Variants in ZCCHC7 observed in about 807,000 individuals in gnomAD.
The protein encoded by ZCCHC7 is zinc finger CCHC-type containing 7.
Under a neutral mutation model 52.0 loss-of-function variants are expected in ZCCHC7, and 35 were observed. That is an observed-to-expected ratio of 0.67 (90% confidence interval 0.51 to 0.89). The LOEUF is 0.89. ZCCHC7 is among the 40% of genes least tolerant of loss of function. ZCCHC7 has a pLI of 0.00. For missense variants in ZCCHC7, 574 were observed against 649.1 expected, an observed-to-expected ratio of 0.88 and a Z score of 1.26; for synonymous variants, 217 against 221.5, an observed-to-expected ratio of 0.98 and a Z score of 0.18.
At chr9:37,182,941 G>C (rs1309025262) in intron 2 of ZCCHC7, among the ~76,000 whole-genome samples, 1 of 152,184 alleles carries the variant, frequency 6.6e-6, no homozygotes, top group African/African-American at 2.4e-5. Context: ...TGCTATGATT[G>C]TACATCTGAG....
intron 2 of ZCCHC7, among the ~76,000 whole-genome samples, chr9:37,180,304 C>T (rs1484987243): frequency 6.6e-6 from 1 of 151,888 alleles, no homozygotes. Flanking sequence ...TTTTTAAACA[C>T]AGAATTCTCC....
At chr9:37,228,820 G>A (rs1377775220) in intron 2 of ZCCHC7, among the ~76,000 whole-genome samples, 1 of 149,440 alleles carries the variant, frequency 6.7e-6, no homozygotes, top group East Asian at 2.0e-4. Flanking sequence ...ATTATAATAT[G>A]TGAAAAAGAG....
chr9:37,284,736 A>T (rs1828131262), intron 2 of ZCCHC7, among the ~76,000 whole-genome samples: 1 of 152,206 alleles, frequency 6.6e-6, no homozygotes. Flanking sequence ...AAACATCCGT[A>T]ATTCATGTGT....
chr9:37,286,654 AAAAG>A (rs1324446215), intron 2 of ZCCHC7, among the ~76,000 whole-genome samples: 5 of 152,122 alleles, frequency 3.3e-5, no homozygotes, highest in Admixed American at 6.5e-5. Flanking sequence ...GTCTCAAAAA[AAAAG>A]AAAGAAGGAA....
intron 2 of ZCCHC7, among the ~76,000 whole-genome samples, chr9:37,132,625 G>A (rs1216772025): frequency 1.3e-5 from 2 of 151,512 alleles, no homozygotes; most frequent in Non-Finnish European, 1.5e-5. Flanking sequence ...CTCAGTGTCT[G>A]TGGGGGATTG....
chr9:37,283,599 A>G (rs1392481933), intron 2 of ZCCHC7, among the ~76,000 whole-genome samples: 1 of 152,168 alleles, frequency 6.6e-6, no homozygotes, highest in African/African-American at 2.4e-5. Flanking sequence ...CTTTTATTTG[A>G]AAATATTTCT....
At chr9:37,217,039 A>G (rs1824545229) in intron 2 of ZCCHC7, among the ~76,000 whole-genome samples, 1 of 152,144 alleles carries the variant, frequency 6.6e-6, no homozygotes, top group Non-Finnish European at 1.5e-5. Flanking sequence ...TAATATTCCT[A>G]CAAGGCTCCC....
chr9:37,355,793 T>G (rs1821664486), intron 8 of ZCCHC7, among the ~76,000 whole-genome samples: 1 of 152,230 alleles, frequency 6.6e-6, no homozygotes, highest in Middle Eastern at 3.2e-3. Context: ...CACATTTAAG[T>G]GGACCCACGT....
intron 5 of ZCCHC7, among the ~76,000 whole-genome samples, chr9:37,323,910 G>C (rs1432255610): frequency 1.3e-5 from 2 of 152,140 alleles, no homozygotes; most frequent in Non-Finnish European, 2.9e-5. Context: ...ATAAGTCTAT[G>C]AAGAGCCTGG....
At chr9:37,137,631 C>T (rs1843054597) in intron 2 of ZCCHC7, among the ~76,000 whole-genome samples, 1 of 152,064 alleles carries the variant, frequency 6.6e-6, no homozygotes, top group African/African-American at 2.4e-5. Context: ...ATTAATTGGA[C>T]CAGAGGTTAG....
At position 37,357,323 on chromosome 9, in the gene ZCCHC7, A is replaced by C. The variant is rs1171247969; in HGVS notation, c.*55A>C. ...CATTGTTCATTTGGCCTTTGTGTCT[A>C]TAACCTTCTGGCACTGTGTTTATTA... On this transcript the variant is annotated 3_prime_UTR_variant, in exon 9 of 9. Coordinates refer to ENST00000336755, the MANE Select transcript of ZCCHC7 (RefSeq NM_032226.3). 2.0e-6 allele frequency: 3 copies of C among 1,489,996 alleles called. No homozygotes were observed. Among genetic ancestry groups the C allele is most frequent in the African/African-American group, 1.4e-5 (1 of 71,156 alleles). The allele number at this position is 1,489,996 out of a possible 1,614,324, so 92.3% of individuals were successfully genotyped here.
At chr9:37,352,971 C>T (rs1306831826) in intron 7 of ZCCHC7, among the ~76,000 whole-genome samples, 2 of 151,754 alleles carry the variant, frequency 1.3e-5, no homozygotes, top group African/African-American at 2.4e-5. Context: ...AGATTAGAAC[C>T]GAACTTATTG....
At chr9:37,149,051 G>A (rs1010235127) in intron 2 of ZCCHC7, among the ~76,000 whole-genome samples, 2 of 152,106 alleles carry the variant, frequency 1.3e-5, no homozygotes, top group African/African-American at 4.8e-5. Flanking sequence ...CGTTAAAGTG[G>A]TTTGTGTTAC....
intron 2 of ZCCHC7, among the ~76,000 whole-genome samples, chr9:37,205,683 A>T (rs1823867894): frequency 6.8e-6 from 1 of 147,514 alleles, no homozygotes; most frequent in Non-Finnish European, 1.5e-5. Context: ...CACCTGGTTA[A>T]TTTTTTGTAT....
At chr9:37,308,478 A>G (rs183542580) in intron 5 of ZCCHC7, among the ~76,000 whole-genome samples, 7 of 152,072 alleles carry the variant, frequency 4.6e-5, no homozygotes, top group Admixed American at 1.3e-4. Context: ...ACAGTTAAAA[A>G]TTACTTGTAA....
At chr9:37,322,066 C>A (rs1373248731) in intron 5 of ZCCHC7, among the ~76,000 whole-genome samples, 1 of 151,944 alleles carries the variant, frequency 6.6e-6, no homozygotes, top group African/African-American at 2.4e-5. Flanking sequence ...AATGGGATAT[C>A]TGAGTGAGCT....
intron 5 of ZCCHC7, among the ~76,000 whole-genome samples, chr9:37,312,361 A>G (rs963586799): frequency 2.6e-5 from 4 of 152,208 alleles, no homozygotes; most frequent in Non-Finnish European, 5.9e-5. Flanking sequence ...GGGGAAAAAA[A>G]GATGAATAAA....
rs558831044 is a variant in ZCCHC7 at position 37,218,229 on chromosome 9, C to CA, written c.611-83949dup. Reference sequence around the variant, plus strand: ...CTAAGTATAAAGATTCTTGAAAGGGCAAAAAAAAAATCTTTGTGGATTCAA... The same window carrying CA: ...CTAAGTATAAAGATTCTTGAAAGGGCAAAAAAAAAAATCTTTGTGGATTCAA... On this transcript the variant is annotated intron_variant, in intron 2 of 8. Coordinates refer to ENST00000336755, the MANE Select transcript of ZCCHC7 (RefSeq NM_032226.3). Among the ~76,000 whole-genome samples the CA allele has an allele frequency of 6.9e-4, 103 of 149,378 alleles. 1 individual carries two copies. The South Asian group carries it at 0.011, about 16-fold the overall frequency.
chr9:37,292,339 C>T (rs1828579208), intron 2 of ZCCHC7, among the ~76,000 whole-genome samples: 1 of 152,060 alleles, frequency 6.6e-6, no homozygotes, highest in African/African-American at 2.4e-5. Context: ...GTGAAGATGA[C>T]TAAACTTGGA....
Sources: gnomAD v4.1 joint callset for allele counts (sites outside exome capture counted in the v4.1 genomes callset) on GRCh38, gnomAD v4.1.1 for gene constraint, MANE v1.5 for transcripts, NCBI Gene and HGNC (gene_info 2026-07-23, HGNC 2026-07-21) for gene names.